The following TNIP3 variants were observed in gnomAD, a reference collection of about 807,000 sequenced individuals.
The protein encoded by TNIP3 is TNFAIP3-interacting protein 3.
In TNIP3, 34 loss-of-function variants were observed where a neutral mutation model predicts 54.1. That is an observed-to-expected ratio of 0.63 (90% CI 0.48 to 0.84). The LOEUF (loss-of-function observed/expected upper bound fraction) is 0.84. Ranked by LOEUF, TNIP3 falls within the 40% of genes least tolerant of loss-of-function variation. TNIP3 has a pLI of 0.00. For synonymous variants in TNIP3, 134 were observed against 136.8 expected (o/e 0.98, Z 0.14); for missense variants, 366 against 387.6 (o/e 0.94, Z 0.47).
chr4:121,165,251 A>G (rs951043932), upstream of TNIP3, among the ~76,000 whole-genome samples: 1 of 151,374 alleles, frequency 6.6e-6, no homozygotes, highest in Non-Finnish European at 1.5e-5. Context: ...TTTCTCCTGA[A>G]TATCTCCCCC....
chr4:121,145,155 T>G (rs1729355865), intron 7 of TNIP3, among the ~76,000 whole-genome samples: 1 of 152,186 alleles, frequency 6.6e-6, no homozygotes, highest in Non-Finnish European at 1.5e-5. Flanking sequence ...CAACAAATAA[T>G]ATGTTATTCA....
intron 5 of TNIP3, among the ~76,000 whole-genome samples, chr4:121,153,900 T>C (rs1221739101): frequency 6.6e-6 from 1 of 152,188 alleles, no homozygotes; most frequent in African/African-American, 2.4e-5. Context: ...ATGTTCCACA[T>C]ATGGGTTGGC....
rs1728504018 is a variant in TNIP3 at position 121,132,087 on chromosome 4, CA to C, written c.*543del. On this transcript the variant is annotated 3_prime_UTR_variant, in exon 11 of 11. Transcript: ENST00000057513. ...ATTTAATGAGGTATATACACCTCTT[CA>C]ATTCTACGTTTAGGATCACTGAGGT... is the stretch of plus-strand genomic sequence containing the variant. 2 of 153,660 alleles carry C rather than the reference CA, an allele frequency of 1.3e-5. No individual in the cohort carries two copies. Among genetic ancestry groups the C allele is most frequent in the South Asian group, 4.1e-4 (2 of 4,882 alleles). 9.5% of individuals were successfully genotyped at this position (153,660 alleles called of 1,614,324 possible).
chr4:121,224,546 G>A (rs556177822), intron 1 of TNIP3, among the ~76,000 whole-genome samples: 1 of 152,110 alleles, frequency 6.6e-6, no homozygotes, highest in African/African-American at 2.4e-5. Context: ...TATTTTTATT[G>A]CTTTTAAACA....
chr4:121,132,755 C>CAAAA, intron 10 of TNIP3, 93 bp from the exon 11 acceptor site: 11 of 786,498 alleles, frequency 1.4e-5, no homozygotes, highest in African/African-American at 1.9e-5. Context: ...TCCAGGATGG[C>CAAAA]AAAAAAAAAA....
At chr4:121,177,763 G>A (rs1231581911) in intron 3 of TNIP3, among the ~76,000 whole-genome samples, 1 of 151,944 alleles carries the variant, frequency 6.6e-6, no homozygotes, top group East Asian at 1.9e-4. Flanking sequence ...GCAAAAATGT[G>A]AAGGTCTTTG....
intron 2 of TNIP3, among the ~76,000 whole-genome samples, chr4:121,205,422 A>G (rs80214553): frequency 0.022 from 3,300 of 152,180 alleles, 75 homozygotes; most frequent in Admixed American, 0.035. Flanking sequence ...GAGCCAGTTC[A>G]AGGAGGTTCG....
chr4:121,192,888 C>T (rs1725373147), intron 2 of TNIP3: 1 of 152,156 alleles, frequency 6.6e-6, no homozygotes, highest in South Asian at 2.1e-4. Context: ...AGTATATGTG[C>T]TGCTGAAGTG....
chr4:121,216,480 C>T, exon 2 of TNIP3: 1 of 1,535,504 alleles, frequency 6.5e-7, no homozygotes, highest in Non-Finnish European at 8.7e-7. Context: ...CATTTTTGTT[C>T]ATGAGCCATC....
chr4:121,206,229 G>T (rs2148843841), intron 2 of TNIP3, among the ~76,000 whole-genome samples: 1 of 152,162 alleles, frequency 6.6e-6, no homozygotes, highest in East Asian at 1.9e-4. Context: ...TTCTTACTTG[G>T]GATGTCTTTT....
At chr4:121,174,950 A>G (rs573495385) in intron 3 of TNIP3, among the ~76,000 whole-genome samples, 5 of 152,362 alleles carry the variant, frequency 3.3e-5, no homozygotes, top group African/African-American at 9.6e-5. Context: ...TACTTGAGAA[A>G]GAAGGCTTAT....
At chr4:121,162,620 T>C (rs964088336) in intron 1 of TNIP3, among the ~76,000 whole-genome samples, 1 of 152,178 alleles carries the variant, frequency 6.6e-6, no homozygotes, top group African/African-American at 2.4e-5. Flanking sequence ...ACTTAGTGTA[T>C]CTTGAGGTCA....
chr4:121,170,787 T>G (rs994224763), intron 3 of TNIP3, among the ~76,000 whole-genome samples: 2 of 152,182 alleles, frequency 1.3e-5, no homozygotes, highest in African/African-American at 4.8e-5. Flanking sequence ...TTTTGTTTTA[T>G]GTAGCTAATT....
intron 1 of TNIP3, among the ~76,000 whole-genome samples, chr4:121,162,290 G>A (rs1278217417): frequency 6.6e-6 from 1 of 152,062 alleles, no homozygotes; most frequent in African/African-American, 2.4e-5. Context: ...AGGGTTTGAT[G>A]GTATTTTAAG....
intron 2 of TNIP3, among the ~76,000 whole-genome samples, chr4:121,188,392 G>A (rs1725132638): frequency 6.6e-6 from 1 of 151,956 alleles, no homozygotes; most frequent in East Asian, 1.9e-4. Flanking sequence ...GGTCTGCCCT[G>A]TAATCTCTGT....
intron 3 of TNIP3, among the ~76,000 whole-genome samples, chr4:121,180,843 C>T (rs185833144): frequency 1.0e-3 from 152 of 152,316 alleles, no homozygotes; most frequent in Non-Finnish European, 1.9e-3. Context: ...TCCCTACCTT[C>T]CAATAGTCAT....
chr4:121,175,759 T>C lies in TNIP3; in HGVS notation c.189+6917A>G, dbSNP rs181370609. On this transcript the variant is annotated intron_variant, in intron 3 of 12. Transcript: ENST00000507879. ...CCCCCCTTGCACCACTTCTGTCCTGTGTAGAAATTTCTGCCCAATAGGTGG... is the reference window on the plus strand; with the variant it reads ...CCCCCCTTGCACCACTTCTGTCCTGCGTAGAAATTTCTGCCCAATAGGTGG... Among the ~76,000 whole-genome samples, 897 of 152,350 alleles carry C rather than the reference T, an allele frequency of 5.9e-3. 6 individuals carry two copies. Among genetic ancestry groups the C allele is most frequent in the Non-Finnish European group, 9.6e-3 (655 of 68,028 alleles).
At chr4:121,169,649 C>T (rs1730962667) in intron 3 of TNIP3, among the ~76,000 whole-genome samples, 1 of 152,184 alleles carries the variant, frequency 6.6e-6, no homozygotes, top group Admixed American at 6.5e-5. Flanking sequence ...ATGTATGATG[C>T]TCCCAAATCA....
intron 3 of TNIP3, among the ~76,000 whole-genome samples, chr4:121,157,693 C>A (rs990855444): frequency 1.3e-5 from 2 of 152,306 alleles, no homozygotes; most frequent in South Asian, 2.1e-4. Flanking sequence ...TGACCTCCTA[C>A]TAGGTGCCAA....
Sources: allele counts gnomAD v4.1 joint callset (sites outside exome capture counted in the v4.1 genomes callset), GRCh38; gene constraint gnomAD v4.1.1; transcripts MANE v1.5; gene names NCBI Gene and HGNC (gene_info 2026-07-23, HGNC 2026-07-21).